Variants in RORA observed in about 807,000 individuals in gnomAD.
The protein encoded by RORA is RAR related orphan receptor A.
A neutral mutation model predicts 69.5 loss-of-function variants in RORA; 7 were observed. The ratio of observed to expected loss-of-function variants is 0.10; its 90% confidence interval spans 0.06 to 0.19. The LOEUF (loss-of-function observed/expected upper bound fraction) is 0.19, where lower values mean the gene tolerates loss of function less well. Among genes scored for constraint, RORA ranks in the 10% least tolerant of loss-of-function variants. The probability of loss-of-function intolerance (pLI) is 1.00; values close to 1 mark genes in which losing one functional copy is unlikely to be tolerated. For synonymous variants in RORA, 261 were observed against 240.8 expected, an observed-to-expected ratio of 1.08 and a Z score of -0.78; for missense variants, 457 against 663.0, an observed-to-expected ratio of 0.69 and a Z score of 3.41.
chr15:60,938,701 C>A (rs143844627), intron 1 of RORA, among the ~76,000 whole-genome samples: 46 of 152,078 alleles, frequency 3.0e-4, no homozygotes, highest in African/African-American at 1.1e-3. Flanking sequence ...AGGAGTCTGA[C>A]ACCAGCCTAG....
intron 1 of RORA, among the ~76,000 whole-genome samples, chr15:60,709,467 C>A (rs754518964): frequency 6.6e-6 from 1 of 152,220 alleles, no homozygotes; most frequent in African/African-American, 2.4e-5. Flanking sequence ...ACCCCTGGTA[C>A]TGGTCCTGTT....
chr15:60,568,944 T>TA (rs34688193), intron 2 of RORA, among the ~76,000 whole-genome samples: 152 of 137,494 alleles, frequency 1.1e-3, no homozygotes, highest in Admixed American at 5.3e-3. Context: ...GGTTTTGCGC[T>TA]AAAAAAAAAA....
chr15:60,600,550 T>C (rs1187302580), intron 2 of RORA, among the ~76,000 whole-genome samples: 2 of 152,212 alleles, frequency 1.3e-5, no homozygotes, highest in Non-Finnish European at 2.9e-5. Context: ...TCCTACACTG[T>C]GGAAGTCTGT....
intron 1 of RORA, among the ~76,000 whole-genome samples, chr15:60,798,865 G>A (rs2072537786): frequency 6.6e-6 from 1 of 152,014 alleles, no homozygotes; most frequent in African/African-American, 2.4e-5. Context: ...TAACTTACAG[G>A]GACTTTGTGA....
intron 1 of RORA, among the ~76,000 whole-genome samples, chr15:60,744,911 G>A (rs114436737): frequency 1.1e-4 from 16 of 152,246 alleles, no homozygotes; most frequent in East Asian, 1.9e-4. Flanking sequence ...CATTTCACCC[G>A]GGGCCTCCAC....
rs1410381496 is a variant in RORA at position 60,823,076 on chromosome 15, CTTCCTTCCTTCT to C, written c.167-144402_167-144391del. 3.0e-5 allele frequency among the ~76,000 whole-genome samples: 4 copies of C among 133,854 alleles called. No individual in the cohort carries two copies. In the South Asian group the frequency reaches 8.5e-4, roughly 28 times the overall value. 87.8% of individuals were successfully genotyped at this position (133,854 alleles called of 152,430 possible). A position where few individuals can be genotyped will look rare whatever the true frequency, so the allele number is the denominator to read the frequency against. On this transcript the variant is annotated intron_variant, in intron 1 of 10. Coordinates refer to ENST00000335670, the MANE Select transcript of RORA (RefSeq NM_134261.3). ...TCCCTCCCCTCCCCTCCCTCCCTTC[CTTCCTTCCTTCT>C]TTCCTTCCTTCATTCTTCTCTTTCT...
At chr15:61,125,891 C>A (rs888194498) in intron 1 of RORA, among the ~76,000 whole-genome samples, 1 of 152,180 alleles carries the variant, frequency 6.6e-6, no homozygotes. Context: ...TTCCTGTGAG[C>A]AGGATTGTAT....
chr15:61,075,735 T>C (rs12440318), intron 1 of RORA, among the ~76,000 whole-genome samples: 38,356 of 152,124 alleles, frequency 0.25, 4,997 homozygotes, highest in Non-Finnish European at 0.28. Context: ...TTGACCCAAG[T>C]CTTCCATGTC....
chr15:60,882,129 C>T (rs924586580), intron 1 of RORA, among the ~76,000 whole-genome samples: 7 of 152,134 alleles, frequency 4.6e-5, no homozygotes, highest in Non-Finnish European at 1.0e-4. Flanking sequence ...TCTTATGTCT[C>T]CCACTACAAA....
intron 1 of RORA, among the ~76,000 whole-genome samples, chr15:61,153,475 C>A (rs976695574): frequency 8.5e-5 from 13 of 152,158 alleles, no homozygotes; most frequent in African/African-American, 3.1e-4. Context: ...TTCTTCCTTT[C>A]AACAGCTGCA....
chr15:60,957,740 C>A (rs1388567624), intron 1 of RORA, among the ~76,000 whole-genome samples: 1 of 152,144 alleles, frequency 6.6e-6, no homozygotes, highest in Non-Finnish European at 1.5e-5. Flanking sequence ...AAAGGGGGGA[C>A]AGTATGACAG....
At chr15:60,693,399 A>G (rs1426862305) in intron 1 of RORA, among the ~76,000 whole-genome samples, 1 of 152,228 alleles carries the variant, frequency 6.6e-6, no homozygotes, top group Admixed American at 6.5e-5. Flanking sequence ...CAAGACAAGG[A>G]TGCCCTCTCT....
At chr15:61,135,415 A>G (rs2079228541) in intron 1 of RORA, among the ~76,000 whole-genome samples, 1 of 152,028 alleles carries the variant, frequency 6.6e-6, no homozygotes, top group Non-Finnish European at 1.5e-5. Flanking sequence ...TAACTTTGGA[A>G]AACTAATAGT....
intron 1 of RORA, among the ~76,000 whole-genome samples, chr15:60,735,594 T>G (rs960873649): frequency 1.4e-5 from 2 of 145,488 alleles, no homozygotes; most frequent in African/African-American, 5.5e-5. Flanking sequence ...AAAAACCAAG[T>G]TGCACTTCGG....
intron 1 of RORA, among the ~76,000 whole-genome samples, chr15:61,013,657 A>T (rs1331121377): frequency 6.6e-6 from 1 of 151,982 alleles, no homozygotes; most frequent in African/African-American, 2.4e-5. Flanking sequence ...GTATTTTTGG[A>T]CTTGCTCCAG....
chr15:61,111,370 T>C (rs758846056), intron 1 of RORA, among the ~76,000 whole-genome samples: 95 of 152,240 alleles, frequency 6.2e-4, no homozygotes, highest in Non-Finnish European at 1.8e-4. Flanking sequence ...ATTACCACTG[T>C]ATTCCCCAAG....
At chr15:60,971,056 G>T (rs1205208012) in intron 1 of RORA, among the ~76,000 whole-genome samples, 2 of 152,110 alleles carry the variant, frequency 1.3e-5, no homozygotes, top group Non-Finnish European at 2.9e-5. Context: ...TTTGTTTTTG[G>T]ATGAGAACTA....
intron 2 of RORA, among the ~76,000 whole-genome samples, chr15:60,560,127 T>A (rs148829947): frequency 6.6e-6 from 1 of 152,116 alleles, no homozygotes; most frequent in African/African-American, 2.4e-5. Flanking sequence ...CCCTATGAGA[T>A]TGTATTAAAT....
intron 1 of RORA, among the ~76,000 whole-genome samples, chr15:60,829,458 T>C (rs1176980481): frequency 6.6e-6 from 1 of 152,072 alleles, no homozygotes; most frequent in East Asian, 1.9e-4. Context: ...TGCCAAAAAA[T>C]AGTTGTCTGG....
Sources: gnomAD v4.1 joint callset for allele counts (sites outside exome capture counted in the v4.1 genomes callset) on GRCh38, gnomAD v4.1.1 for gene constraint, MANE v1.5 for transcripts, NCBI Gene and HGNC (gene_info 2026-07-23, HGNC 2026-07-21) for gene names.